PACS2: variants seen among roughly 807,000 people sequenced by gnomAD.
PACS2 encodes the protein PACS1-like protein.
In PACS2, 36 loss-of-function variants were observed where a neutral mutation model predicts 113.0. The ratio of observed to expected loss-of-function variants is 0.32; its 90% CI spans 0.24 to 0.42. The LOEUF is 0.42. PACS2 is among the 10% of genes least tolerant of loss of function. The pLI, the probability that PACS2 is intolerant of heterozygous loss-of-function variation, is 1.00. For synonymous variants in PACS2, 589 were observed against 536.1 expected (o/e 1.10, Z -1.36); for missense variants, 1,015 against 1,239.5 (o/e 0.82, Z 2.72).
At position 105,330,194 on chromosome 14, in the gene PACS2, G is replaced by A. The variant is rs1189983412; in HGVS notation, c.119+15157G>A. ...GTGTGGGACGGAACGGGGACAGGGA[G>A]CCTCCGAGAAGCCTGGGGTCCGTGT... On this transcript the variant is annotated intron_variant, in intron 1 of 24. Coordinates refer to ENST00000447393, the MANE Select transcript of PACS2 (RefSeq NM_001100913.3). This position sits in a 1 kb window ranked among gnomAD's most constrained non-coding sequence, Gnocchi z 6.9. Among the ~76,000 whole-genome samples, 1 of 140,836 alleles carries A rather than the reference G, an allele frequency of 7.1e-6. No homozygotes were observed. Among genetic ancestry groups the A allele is most frequent in the Non-Finnish European group, 1.6e-5 (1 of 64,396 alleles). The allele number at this position is 140,836 out of a possible 152,430, so 92.4% of individuals were successfully genotyped here. A position where few individuals can be genotyped will look rare whatever the true frequency, so the allele number is the denominator to read the frequency against.
Position 105,358,670 on chromosome 14 carries a change from A to ACCT in PACS2, c.423+3493_423+3494insCCT, listed in dbSNP as rs2060549719. 2.6e-5 allele frequency among the ~76,000 whole-genome samples: 4 copies of ACCT among 152,116 alleles called. No homozygotes were observed. Among genetic ancestry groups the ACCT allele is most frequent in the Non-Finnish European group, 4.4e-5 (3 of 68,006 alleles). ...TGACCTGGGAGTGCGGTGGTGGCTG[A>ACCT]GGGAGCAGCCATGCTTCTTTGCACA... On this transcript the variant is annotated intron_variant, in intron 4 of 24. Transcript: ENST00000447393. This position sits in a 1 kb window ranked among gnomAD's most constrained non-coding sequence, Gnocchi z 4.9.
intron 1 of PACS2, among the ~76,000 whole-genome samples, chr14:105,334,345 TCCCA>T (rs1298444161): frequency 6.6e-6 from 1 of 152,190 alleles, no homozygotes; most frequent in Non-Finnish European, 1.5e-5. Context: ...AGAGAGCTGT[TCCCA>T]CCTTGAGGCT....
At chr14:105,362,553 A>T (rs1430622502) in intron 4 of PACS2, among the ~76,000 whole-genome samples, 2 of 151,736 alleles carry the variant, frequency 1.3e-5, no homozygotes, top group Non-Finnish European at 2.9e-5. Context: ...CATTTTTTTT[A>T]AATAATAAGA....
At position 105,380,957 on chromosome 14, in the gene PACS2, G is replaced by A. The variant is rs782055140; in HGVS notation, c.1126G>A (p.Gly376Ser). The change falls in exon 12 of 25, where the codon GGT becomes AGT. Residue 376 changes from glycine (G) to serine (S), a missense_variant and splice_region_variant. Physicochemically the swap from Gly to Ser is moderately conservative, Grantham distance 56. Around this residue, in one of 3 missense-constraint regions of PACS2, gnomAD observed 859 missense variants for 1,056.8 expected, o/e 0.81. Transcript: ENST00000447393. ...CTCCAGGCCCGTCTCTGCTCAGCAG[G>A]GTGTGCCAGGCCCGAGGGAGCACCC... Reference protein sequence around the residue: ...SDSVSDTVALGVPGPREHPGQ... With the variant: ...SDSVSDTVALSVPGPREHPGQ... 4 of 1,609,740 alleles carry A rather than the reference G, an allele frequency of 2.5e-6. No individual in the cohort carries two copies. The South Asian group carries it at 4.4e-5, about 18-fold the overall frequency.
intron 1 of PACS2, among the ~76,000 whole-genome samples, chr14:105,346,504 C>T (rs1378658867): frequency 7.7e-6 from 1 of 130,644 alleles, no homozygotes; most frequent in Admixed American, 7.6e-5. Context: ...ACCGCCTGCA[C>T]GGCTCCCCCA....
In PACS2 at chr14:105,315,585, T is replaced by C. The variant is rs1283896963; in HGVS notation, c.119+548T>C. ...TGGCGCTGTCTCTCATTTAGAGGCG[T>C]CGCCAAGCCAGTACTGCTATTTGCG... On this transcript the variant is annotated intron_variant, in intron 1 of 24. Coordinates refer to ENST00000447393, the MANE Select transcript of PACS2 (RefSeq NM_001100913.3). The surrounding 1 kb of genome is among the most constrained non-coding windows in gnomAD (Gnocchi z 4.4). 2 of 152,284 alleles carry C rather than the reference T, an allele frequency of 1.3e-5. No individual in the cohort carries two copies. The highest frequency in any genetic ancestry group is 6.5e-5 in the Admixed American group (1 of 15,282). 9.4% of individuals were successfully genotyped at this position (152,284 alleles called of 1,614,324 possible). A position where few individuals can be genotyped will look rare whatever the true frequency, so the allele number is the denominator to read the frequency against.
intron 19 of PACS2, among the ~76,000 whole-genome samples, chr14:105,386,410 A>T (rs1555413586): frequency 6.6e-6 from 1 of 151,972 alleles, no homozygotes. Flanking sequence ...AGACGGGGCC[A>T]AACTACCGAG....
At chr14:105,389,713 C>G in intron 19 of PACS2, 1 of 564,110 alleles carries the variant, frequency 1.8e-6, no homozygotes, top group Non-Finnish European at 3.2e-6. Flanking sequence ...GCACAGAGAC[C>G]CCTTTGTCCT....
rs1243575144 is a variant in PACS2, at chr14:105,366,171, G to A, written c.424-1042G>A. Reference sequence around the variant, plus strand: ...TTGAGACCATCCTGGCCAACATGGTGAAACTGTTTCTACTAAAAATACAAA... The same window carrying A: ...TTGAGACCATCCTGGCCAACATGGTAAAACTGTTTCTACTAAAAATACAAA... On this transcript the variant is annotated intron_variant, in intron 4 of 24. Transcript: ENST00000447393. This position sits in a 1 kb window ranked among gnomAD's most constrained non-coding sequence, Gnocchi z 4.3. 7.1e-6 allele frequency among the ~76,000 whole-genome samples: 1 copy of A among 141,564 alleles called. No homozygotes were observed. The highest frequency in any genetic ancestry group is 1.9e-4 in the East Asian group (1 of 5,168). The allele number at this position is 141,564 out of a possible 152,430, so 92.9% of individuals were successfully genotyped here.
chr14:105,362,202 A>C (rs1173277876), intron 4 of PACS2, among the ~76,000 whole-genome samples: 8 of 151,124 alleles, frequency 5.3e-5, no homozygotes, highest in Non-Finnish European at 1.2e-4. Context: ...GCGGATCACG[A>C]GGTCAGGAGA....
intron 1 of PACS2, among the ~76,000 whole-genome samples, chr14:105,345,446 A>G (rs1338963425): frequency 6.6e-6 from 1 of 152,196 alleles, no homozygotes; most frequent in African/African-American, 2.4e-5. Context: ...GTGTATTTGA[A>G]TCTTTTTTCT....
chr14:105,379,903 G>A, intron 10 of PACS2, 74 bp downstream of exon 10: 2 of 1,474,382 alleles, frequency 1.4e-6, no homozygotes, highest in Admixed American at 1.7e-5. Flanking sequence ...AAATCTCCCA[G>A]CATGTCCTGG....
At chr14:105,377,875 G>T (rs1272271400) in intron 9 of PACS2, among the ~76,000 whole-genome samples, 1 of 152,234 alleles carries the variant, frequency 6.6e-6, no homozygotes, top group South Asian at 2.1e-4. Flanking sequence ...TCGGGTGGAG[G>T]TATTGGTGGC....
chr14:105,326,053 A>G (rs144638401), intron 1 of PACS2, among the ~76,000 whole-genome samples: 27 of 152,344 alleles, frequency 1.8e-4, no homozygotes, highest in African/African-American at 6.5e-4. Flanking sequence ...AGGCATTGAC[A>G]ATATTTCTTT....
chr14:105,379,405 C>T lies in PACS2; in HGVS notation c.960-334C>T, dbSNP rs192657494. Among the ~76,000 whole-genome samples, 123 of 152,316 alleles carry T rather than the reference C, an allele frequency of 8.1e-4. 1 individual carries two copies. The highest frequency in any genetic ancestry group is 2.9e-3 in the African/African-American group (122 of 41,570). ...GGCCAGTGGAGCTCTCCCCAGAGCC[C>T]CTTCGTGTTTGTGGCAGCCTTGCCT... is the stretch of plus-strand genomic sequence containing the variant. On this transcript the variant is annotated intron_variant, in intron 9 of 24. Transcript: ENST00000447393.
At chr14:105,352,236 A>G (rs1555404135) in intron 2 of PACS2, 142 bp from the exon 3 acceptor site, 1 of 650,934 alleles carries the variant, frequency 1.5e-6, no homozygotes, top group Non-Finnish European at 2.8e-6. Context: ...ACCTCTGAGA[A>G]TTACCCCAGC....
intron 1 of PACS2, among the ~76,000 whole-genome samples, chr14:105,316,682 A>G (rs1231517892): frequency 1.3e-5 from 2 of 150,956 alleles, no homozygotes. Context: ...TAGAAAGCCC[A>G]CTCTGGTGTC....
intron 8 of PACS2, chr14:105,371,047 C>T (rs1230877075): frequency 1.3e-5 from 2 of 152,310 alleles, no homozygotes; most frequent in Non-Finnish European, 2.9e-5. Context: ...GGGGCACACA[C>T]TCAGCGAGGC....
intron 15 of PACS2, 141 bp downstream of exon 15, chr14:105,383,054 T>C: frequency 1.6e-6 from 1 of 636,646 alleles, no homozygotes; most frequent in Non-Finnish European, 2.8e-6. Context: ...ACCCATGCGC[T>C]CTTCGCAGCC....
Sources: gnomAD v4.1 joint callset for allele counts (sites outside exome capture counted in the v4.1 genomes callset) on GRCh38, gnomAD v4.1.1 for gene constraint, gnomAD v4.1.1 regional missense constraint, Gnocchi (gnomAD v3.1) non-coding constraint, MANE v1.5 for transcripts, NCBI Gene and HGNC (gene_info 2026-07-23, HGNC 2026-07-21) for gene names.